The following RYR2 variants were observed in gnomAD, a reference collection of about 807,000 sequenced individuals.
The protein encoded by RYR2 is cardiac muscle ryanodine receptor-calcium release channel.
RYR2 carries 227 observed loss-of-function variants against 601.1 expected under a neutral mutation model. The ratio of observed to expected loss-of-function variants is 0.38; its 90% CI spans 0.34 to 0.42. The LOEUF (loss-of-function observed/expected upper bound fraction) is 0.42. Ranked by LOEUF, RYR2 falls within the 10% of genes least tolerant of loss-of-function variation. The pLI is 1.00. For missense variants in RYR2, 4,646 were observed against 6,156.5 expected, an observed-to-expected ratio of 0.75 and a Z score of 8.21; for synonymous variants, 2,223 against 2,175.1, an observed-to-expected ratio of 1.02 and a Z score of -0.61.
chr1:237,518,575 A>G (rs916895452), intron 24 of RYR2, among the ~76,000 whole-genome samples: 1 of 152,164 alleles, frequency 6.6e-6, no homozygotes, highest in African/African-American at 2.4e-5. Flanking sequence ...TCATGTTGCT[A>G]CAAAATACAT....
chr1:237,754,568 A>T (rs1692789555), intron 80 of RYR2, among the ~76,000 whole-genome samples: 1 of 152,218 alleles, frequency 6.6e-6, no homozygotes. Context: ...TTAGTTGATG[A>T]AAATGATAGG....
chr1:237,792,398 CGTGTGTGTGTGTGTGTGT>C (rs71162418), intron 94 of RYR2, 75 bp downstream of exon 94: 2 of 487,498 alleles, frequency 4.1e-6, no homozygotes, highest in Non-Finnish European at 6.5e-6. Flanking sequence ...TGTGTGTGTG[CGTGTGTGTGTGTGTGTGT>C]GTGTGTGTTT....
chr1:237,449,105 C>T (rs1054026758), intron 14 of RYR2, among the ~76,000 whole-genome samples: 2 of 152,132 alleles, frequency 1.3e-5, no homozygotes, highest in East Asian at 1.9e-4. Context: ...AGCGTGAGAG[C>T]ATATGGGTTA....
chr1:237,336,993 G>C (rs139520139), intron 3 of RYR2, among the ~76,000 whole-genome samples: 1 of 152,116 alleles, frequency 6.6e-6, no homozygotes, highest in Non-Finnish European at 1.5e-5. Context: ...GCTCACACCT[G>C]TCATCCCAGC....
At chr1:237,107,414 A>G (rs573400925) in intron 1 of RYR2, among the ~76,000 whole-genome samples, 77 of 150,388 alleles carry the variant, frequency 5.1e-4, no homozygotes, top group Middle Eastern at 3.4e-3. Flanking sequence ...CCAGCTACTC[A>G]GGAGGCTGAG....
At chr1:237,743,068 T>C (rs1170373941) in intron 80 of RYR2, among the ~76,000 whole-genome samples, 1 of 152,228 alleles carries the variant, frequency 6.6e-6, no homozygotes, top group East Asian at 1.9e-4. Context: ...TTTTTTGTTT[T>C]GTTTTGTTTT....
chr1:237,188,647 C>A (rs113089148), intron 1 of RYR2, among the ~76,000 whole-genome samples: 12,140 of 151,984 alleles, frequency 0.08, 541 homozygotes, highest in East Asian at 0.15. Flanking sequence ...CTCACTGCAA[C>A]CTCTACCTCC....
At chr1:237,231,909 A>C (rs188629560) in intron 1 of RYR2, among the ~76,000 whole-genome samples, 3 of 152,322 alleles carry the variant, frequency 2.0e-5, no homozygotes. Context: ...ACCACTTAGC[A>C]TCTCTGAGAC....
chr1:237,790,219 C>T (rs1211549216), intron 92 of RYR2, among the ~76,000 whole-genome samples: 1 of 152,096 alleles, frequency 6.6e-6, no homozygotes, highest in Admixed American at 6.5e-5. Context: ...ACCAGCTGTT[C>T]CCTTAGTTGC....
chr1:237,483,891 A>T (rs963381169), intron 17 of RYR2, among the ~76,000 whole-genome samples: 1 of 152,226 alleles, frequency 6.6e-6, no homozygotes, highest in Non-Finnish European at 1.5e-5. Flanking sequence ...GTAGGAGGGA[A>T]AAAAATCCCC....
At chr1:237,708,274 T>C in intron 68 of RYR2, among the ~76,000 whole-genome samples, 1 of 152,206 alleles carries the variant, frequency 6.6e-6, no homozygotes. Flanking sequence ...TAGATGATTA[T>C]GGTTGACTTT....
At position 237,639,001 on chromosome 1, in the gene RYR2, C is replaced by T. The variant is rs779975716; in HGVS notation, c.6929-14C>T. On this transcript the variant is annotated splice_polypyrimidine_tract_variant and intron_variant, in intron 45 of 104. Coordinates refer to ENST00000366574, the MANE Select transcript of RYR2 (RefSeq NM_001035.3). ...AATCATATTTGTTTACTTATCTTCC[C>T]CATTCTACTTTAGGGGAGAGTGTGG... The T allele has an allele frequency of 6.2e-7, 1 of 1,612,868 alleles. No individual in the cohort carries two copies. The highest frequency in any genetic ancestry group is 8.5e-7 in the Non-Finnish European group (1 of 1,179,408).
chr1:237,505,724 G>C (rs1187650837), intron 22 of RYR2, among the ~76,000 whole-genome samples: 1 of 152,160 alleles, frequency 6.6e-6, no homozygotes, highest in African/African-American at 2.4e-5. Flanking sequence ...CTTCTCTTGG[G>C]AATGCCACCT....
At chr1:237,785,162 T>G (rs544297325) in intron 90 of RYR2, among the ~76,000 whole-genome samples, 190 bp downstream of exon 90, 1 of 152,342 alleles carries the variant, frequency 6.6e-6, no homozygotes, top group Non-Finnish European at 1.5e-5. Flanking sequence ...TAAATTATCT[T>G]AAACTATTAT....
intron 73 of RYR2, among the ~76,000 whole-genome samples, chr1:237,720,039 G>A (rs544564063): frequency 6.6e-6 from 1 of 152,296 alleles, no homozygotes; most frequent in South Asian, 2.1e-4. Context: ...ACTTTTTAAT[G>A]GTGGGTGAAA....
At position 237,193,167 on chromosome 1, in the gene RYR2, C is replaced by CAAAAAAAAA. The variant is rs58552588; in HGVS notation, c.49-77325_49-77317dup. Among the ~76,000 whole-genome samples the CAAAAAAAAA allele has an allele frequency of 1.6e-3, 59 of 37,392 alleles. 11 individuals carry two copies. The highest frequency in any genetic ancestry group is 0.05 in the Middle Eastern group (2 of 40). 24.5% of individuals were successfully genotyped at this position (37,392 alleles called of 152,430 possible). Reference sequence around the variant, plus strand: ...GAAACCTCCGTCTCTGCTAAAAGTACAAAAAAAAAAAAAGAAGGCCGGGTG... The same window carrying CAAAAAAAAA: ...GAAACCTCCGTCTCTGCTAAAAGTACAAAAAAAAAAAAAAAAAAAAAAGAAGGCCGGGTG... On this transcript the variant is annotated intron_variant, in intron 1 of 104. Transcript: ENST00000366574.
chr1:237,472,601 T>G (rs1178238143), intron 17 of RYR2, among the ~76,000 whole-genome samples: 1 of 152,126 alleles, frequency 6.6e-6, no homozygotes, highest in Non-Finnish European at 1.5e-5. Context: ...AAGAATTGTT[T>G]AGATGTATAT....
chr1:237,627,419 A>G (rs911356246), intron 40 of RYR2, among the ~76,000 whole-genome samples: 1 of 152,224 alleles, frequency 6.6e-6, no homozygotes, highest in Non-Finnish European at 1.5e-5. Context: ...CTTTATAAGG[A>G]TAAATGATGT....
intron 90 of RYR2, 121 bp downstream of exon 90, chr1:237,785,093 C>A: frequency 2.7e-6 from 2 of 754,572 alleles, no homozygotes; most frequent in South Asian, 1.5e-5. Flanking sequence ...CTTGAATTTC[C>A]AAAGAGAAAT....
Sources: gnomAD v4.1 joint callset for allele counts (sites outside exome capture counted in the v4.1 genomes callset) on GRCh38, gnomAD v4.1.1 for gene constraint, MANE v1.5 for transcripts, NCBI Gene and HGNC (gene_info 2026-07-23, HGNC 2026-07-21) for gene names.